ZNF562: variants seen among roughly 807,000 people sequenced by gnomAD.
ZNF562 encodes zinc finger protein 562.
ZNF562 carries 13 observed loss-of-function variants against 17.5 expected under a neutral mutation model. The observed-to-expected ratio is 0.74, with a 90% CI of 0.48 to 1.18. The LOEUF (loss-of-function observed/expected upper bound fraction) is 1.18, where lower values mean the gene tolerates loss of function less well. Among genes scored for constraint, ZNF562 ranks in the 50% most tolerant of loss-of-function variants. The pLI, the probability that ZNF562 is intolerant of heterozygous loss-of-function variation, is 0.00. For missense variants in ZNF562, 481 were observed against 498.5 expected, an observed-to-expected ratio of 0.96 and a Z score of 0.33; for synonymous variants, 163 against 165.4, an observed-to-expected ratio of 0.99 and a Z score of 0.11.
Position 9,653,466 on chromosome 19 carries a change from G to C in ZNF562, c.764C>G (p.Thr255Ser). 1 of 1,614,196 alleles carries C rather than the reference G, an allele frequency of 6.2e-7. No individual in the cohort carries two copies. The highest frequency in any genetic ancestry group is 8.5e-7 in the Non-Finnish European group (1 of 1,180,044). The change falls in exon 6 of 6, where the codon ACT becomes AGT. Residue 255 changes from threonine (T) to serine (S), a missense_variant. By Grantham distance (58) the Thr-to-Ser change is moderately conservative (BLOSUM62 1). This residue lies in a region of ZNF562 where 403 missense variants were observed against 386.4 expected (regional missense o/e 1.04). Coordinates refer to ENST00000453372, the MANE Select transcript of ZNF562 (RefSeq NM_001130031.2). ...SHLKQCVAVH[T>S]GKKSEKTKNC... is the part of the protein sequence containing the mutation. The stretch of plus-strand genomic sequence containing the variant: ...CTTAGTCTTTTCGGATTTCTTTCCA[G>C]TATGAACTGCTACACACTGCTTTAA...
intron 5 of ZNF562, among the ~76,000 whole-genome samples, chr19:9,654,939 C>T (rs969893539): frequency 1.3e-5 from 2 of 152,050 alleles, no homozygotes; most frequent in Non-Finnish European, 2.9e-5. Flanking sequence ...TGATCTCTTG[C>T]CAGAATTCTA....
In ZNF562 at chr19:9,649,547, C is replaced by T. The variant is rs973946866; in HGVS notation, c.*3402G>A. The stretch of plus-strand genomic sequence containing the variant: ...CTGGGAGTGGGTCTCTGAACTGGCC[C>T]CCCTGGGTGTAGCCATCTCTTATGG... On this transcript the variant is annotated 3_prime_UTR_variant, in exon 6 of 6. Transcript: ENST00000453372. The T allele has an allele frequency of 6.6e-6, 1 of 152,102 alleles. No homozygotes were observed. The highest frequency in any genetic ancestry group is 1.5e-5 in the Non-Finnish European group (1 of 68,022). 9.4% of individuals were successfully genotyped at this position (152,102 alleles called of 1,614,324 possible). A position where few individuals can be genotyped will look rare whatever the true frequency, so the allele number is the denominator to read the frequency against.
chr19:9,653,778 T>C lies in ZNF562; in HGVS notation c.452A>G (p.Asn151Ser), dbSNP rs867788642. 1.1e-5 allele frequency: 18 copies of C among 1,614,074 alleles called. No homozygotes were observed. In the Middle Eastern group the frequency reaches 6.6e-4, roughly 59 times the overall value. Residue 151 changes from asparagine (N) to serine (S), a missense_variant, in exon 6 of 6, where the codon AAC becomes AGC. By Grantham distance (46) the Asn-to-Ser change is conservative. Coordinates refer to ENST00000453372, the MANE Select transcript of ZNF562 (RefSeq NM_001130031.2). ...KTHMRAQNGG[N>S]TFEGNCYGKD... Reference sequence around the variant, plus strand: ...TCCATAACAATTACCCTCAAAAGTGTTCCCTCCATTCTGAGCTCTCATGTG... The same window carrying C: ...TCCATAACAATTACCCTCAAAAGTGCTCCCTCCATTCTGAGCTCTCATGTG...
Position 9,650,917 on chromosome 19 carries a change from G to T in ZNF562, c.*2032C>A, listed in dbSNP as rs1457465891. 3 of 121,068 alleles carry T rather than the reference G, an allele frequency of 2.5e-5. No individual in the cohort carries two copies. The highest frequency in any genetic ancestry group is 9.8e-5 in the African/African-American group (3 of 30,714). The allele number at this position is 121,068 out of a possible 1,614,324, so 7.5% of individuals were successfully genotyped here. ...TGCGGTGAGCCAAGATCATACCATT[G>T]CACTCCAGCCTGGGCAACAAGAGCA... is the stretch of plus-strand genomic sequence containing the variant. On this transcript the variant is annotated 3_prime_UTR_variant, in exon 6 of 6. Transcript: ENST00000453372.
At chr19:9,662,672 G>A (rs1234534242) in intron 1 of ZNF562, among the ~76,000 whole-genome samples, 1 of 151,998 alleles carries the variant, frequency 6.6e-6, no homozygotes, top group Non-Finnish European at 1.5e-5. Flanking sequence ...ACAAGGTCAG[G>A]AGATCGAGAC....
intron 1 of ZNF562, among the ~76,000 whole-genome samples, chr19:9,672,381 G>A (rs962672356): frequency 1.3e-5 from 2 of 152,142 alleles, no homozygotes; most frequent in Non-Finnish European, 1.5e-5. Context: ...TAAAGGTCAA[G>A]CATCACATGT....
In ZNF562 at chr19:9,646,310, A is replaced by AG. The variant is rs2074806123; in HGVS notation, c.*6638_*6639insC. ...GGTCTCGAACTCCCGACCTCAGGTGATCACCTGCCTTGGCCTCCCAAAGTG... is the reference window on the plus strand; with the variant it reads ...GGTCTCGAACTCCCGACCTCAGGTGAGTCACCTGCCTTGGCCTCCCAAAGTG... On this transcript the variant is annotated 3_prime_UTR_variant, in exon 6 of 6. Transcript: ENST00000453372. The AG allele has an allele frequency of 6.6e-6, 1 of 152,118 alleles. No homozygotes were observed. Among genetic ancestry groups the AG allele is most frequent in the Non-Finnish European group, 1.5e-5 (1 of 68,064 alleles). The allele number at this position is 152,118 out of a possible 1,614,324, so 9.4% of individuals were successfully genotyped here.
In ZNF562 at chr19:9,644,382, G is replaced by T. The variant is rs1485850900; in HGVS notation, c.*8567C>A. ...CAGAAGAGAGGATTACTCTAGCTCA[G>T]GAGTTTGAGGACAGCCTGGGCAATG... On this transcript the variant is annotated 3_prime_UTR_variant, in exon 6 of 6. Coordinates refer to ENST00000453372, the MANE Select transcript of ZNF562 (RefSeq NM_001130031.2). The T allele has an allele frequency of 6.6e-6, 1 of 152,124 alleles. No homozygotes were observed. The highest frequency in any genetic ancestry group is 1.5e-5 in the Non-Finnish European group (1 of 68,026). 9.4% of individuals were successfully genotyped at this position (152,124 alleles called of 1,614,324 possible). A position where few individuals can be genotyped will look rare whatever the true frequency, so the allele number is the denominator to read the frequency against.
rs765050805 is a variant in ZNF562 at position 9,653,434 on chromosome 19, C to T, written c.796G>A (p.Gly266Arg). The T allele has an allele frequency of 6.2e-7, 1 of 1,614,146 alleles. No homozygotes were observed. The highest frequency in any genetic ancestry group is 1.1e-5 in the South Asian group (1 of 91,084). The change falls in exon 6 of 6, where the codon GGG becomes AGG. Residue 266 changes from glycine to arginine, a missense_variant. Transcript: ENST00000453372. ...GKKSEKTKNC[G>R]KSFTNFSQLS... ...TGAGAAAAATTAGTGAAGGATTTCCCACAGTTCTTAGTCTTTTCGGATTTC... is the reference window on the plus strand; with the variant it reads ...TGAGAAAAATTAGTGAAGGATTTCCTACAGTTCTTAGTCTTTTCGGATTTC...
At chr19:9,672,783 T>TTC (rs1031621880) in intron 1 of ZNF562, among the ~76,000 whole-genome samples, 3 of 149,204 alleles carry the variant, frequency 2.0e-5, no homozygotes, top group African/African-American at 4.9e-5. Flanking sequence ...CTTTCTTTTT[T>TTC]TTTTTTTTTT....
chr19:9,657,924 C>G (rs1177616301), intron 4 of ZNF562, 85 bp downstream of exon 4: 5 of 1,489,390 alleles, frequency 3.4e-6, no homozygotes, highest in Non-Finnish European at 4.5e-6. Context: ...CTCCCAGGCT[C>G]CAGCGATTCT....
chr19:9,665,148 G>A (rs1179225767), intron 1 of ZNF562, among the ~76,000 whole-genome samples: 5 of 151,924 alleles, frequency 3.3e-5, no homozygotes, highest in Admixed American at 6.6e-5. Flanking sequence ...CTTGAACCTG[G>A]GAGGCGGAGG....
At position 9,648,484 on chromosome 19, in the gene ZNF562, G is replaced by T. The variant is rs1219862356; in HGVS notation, c.*4465C>A. On this transcript the variant is annotated 3_prime_UTR_variant, in exon 6 of 6. Transcript: ENST00000453372. ...CACCCAGCTAATTTTTGTATTGTTA[G>T]TAGAGATGGGGTTTCACCATGTTGG... is the stretch of plus-strand genomic sequence containing the variant. 3 of 152,010 alleles carry T rather than the reference G, an allele frequency of 2.0e-5. No individual in the cohort carries two copies. Among genetic ancestry groups the T allele is most frequent in the African/African-American group, 7.2e-5 (3 of 41,452 alleles). 9.4% of individuals were successfully genotyped at this position (152,010 alleles called of 1,614,324 possible).
chr19:9,668,970 A>T (rs2044049051), intron 1 of ZNF562, among the ~76,000 whole-genome samples: 1 of 152,184 alleles, frequency 6.6e-6, no homozygotes, highest in Non-Finnish European at 1.5e-5. Flanking sequence ...AAGTCAAAAC[A>T]GATTAAAGAC....
At chr19:9,666,323 CA>C (rs112849375) in intron 1 of ZNF562, among the ~76,000 whole-genome samples, 8,208 of 79,622 alleles carry the variant, frequency 0.1, 527 homozygotes, top group African/African-American at 0.26. Flanking sequence ...ACCTCCGTCT[CA>C]AAAAAAAAAA....
At chr19:9,654,525 G>A (rs1015480453) in intron 5 of ZNF562, among the ~76,000 whole-genome samples, 12 of 151,742 alleles carry the variant, frequency 7.9e-5, no homozygotes, top group East Asian at 7.8e-4. Context: ...GCAGTGTCAC[G>A]ATTTCGGCTC....
intron 1 of ZNF562, among the ~76,000 whole-genome samples, chr19:9,669,889 C>CT: frequency 6.6e-6 from 1 of 152,086 alleles, no homozygotes; most frequent in South Asian, 2.1e-4. Context: ...TGGTGAAACT[C>CT]TGTCTCTACT....
intron 5 of ZNF562, among the ~76,000 whole-genome samples, chr19:9,654,840 G>A (rs1465532299): frequency 6.6e-6 from 1 of 152,044 alleles, no homozygotes; most frequent in Non-Finnish European, 1.5e-5. Context: ...CCAAACTGCT[G>A]GGATTACAGC....
rs1157391240 is a variant in ZNF562 at position 9,649,578 on chromosome 19, A to C, written c.*3371T>G. 6.6e-6 allele frequency: 1 copy of C among 152,078 alleles called. No homozygotes were observed. The highest frequency in any genetic ancestry group is 2.4e-5 in the African/African-American group (1 of 41,402). The allele number at this position is 152,078 out of a possible 1,614,324, so 9.4% of individuals were successfully genotyped here. ...GGTGTAGCCATCTCTTATGGTCGAGACTGCAGGGGTGAAATAGACCCCAGT... is the reference window on the plus strand; with the variant it reads ...GGTGTAGCCATCTCTTATGGTCGAGCCTGCAGGGGTGAAATAGACCCCAGT... On this transcript the variant is annotated 3_prime_UTR_variant, in exon 6 of 6. Transcript: ENST00000453372.
Sources: allele counts gnomAD v4.1 joint callset (sites outside exome capture counted in the v4.1 genomes callset), GRCh38; gene constraint gnomAD v4.1.1; regional missense constraint gnomAD v4.1.1; transcripts MANE v1.5; gene names NCBI Gene and HGNC (gene_info 2026-07-23, HGNC 2026-07-21).